Variants in FABP9 observed in about 807,000 individuals in gnomAD.
The protein encoded by FABP9 is fatty acid-binding protein 9.
A neutral mutation model predicts 14.7 loss-of-function variants in FABP9; 11 were observed. The observed-to-expected ratio is 0.75, with a 90% CI of 0.47 to 1.24. FABP9 has a LOEUF of 1.24. Ranked by LOEUF, FABP9 falls within the 50% of genes most tolerant of loss-of-function variation. The pLI is 0.00. For missense variants in FABP9, 171 were observed against 158.2 expected (o/e 1.08, Z -0.44); for synonymous variants, 54 against 50.6 (o/e 1.07, Z -0.29).
chr8:81,458,487 C>T (rs1304767700), intron 3 of FABP9, 54 bp from the exon 4 acceptor site: 3 of 1,514,078 alleles, frequency 2.0e-6, no homozygotes, highest in Non-Finnish European at 2.8e-6. Context: ...TAAACTTGCC[C>T]TGCCCCTTTC....
chr8:81,458,395 G>A lies in FABP9; in HGVS notation c.387C>T (p.Tyr129=), dbSNP rs146862580. The change falls in exon 4 of 4, where the codon TAC becomes TAT. Residue 129 remains tyrosine, a synonymous_variant. Transcript: ENST00000379071. ...TGTGGACCTTTCTTCACACCTTTTC[G>A]TAGATTCTGGTGCTGACAATATTAT... The part of the protein sequence containing the change: ...KMNNIVSTRI[Y]EKV 7.2e-5 allele frequency: 116 copies of A among 1,611,862 alleles called. No individual in the cohort carries two copies. The highest frequency in any genetic ancestry group is 7.1e-4 in the African/African-American group (53 of 74,866).
In FABP9 at chr8:81,458,405, G is replaced by C. The variant is rs1807627575; in HGVS notation, c.377C>G (p.Thr126Ser). 56 of 1,612,624 alleles carry C rather than the reference G, an allele frequency of 3.5e-5. No individual in the cohort carries two copies. The highest frequency in any genetic ancestry group is 4.5e-5 in the Non-Finnish European group (53 of 1,178,814). Residue 126 changes from threonine (T) to serine (S), a missense_variant, in exon 4 of 4, where the codon ACC becomes AGC. Coordinates refer to ENST00000379071, the MANE Select transcript of FABP9 (RefSeq NM_001080526.2). ...VECKMNNIVS[T>S]RIYEKV is the part of the protein sequence containing the mutation. ...TCTTCACACCTTTTCGTAGATTCTG[G>C]TGCTGACAATATTATTCATTTTACA... is the stretch of plus-strand genomic sequence containing the variant.
In FABP9 at chr8:81,458,690, A is replaced by G. The variant is rs762216823; in HGVS notation, c.260T>C (p.Leu87Ser). The change falls in exon 3 of 4, where the codon TTA (leucine) becomes TCA (serine). Residue 87 changes from leucine to serine, a missense_variant. Transcript: ENST00000379071. Reference sequence around the variant, plus strand: ...GACGTGAATCATTGAGCCATTCTCTAATGTTATGGTGCTCTATAAATGCAT... The same window carrying G: ...GACGTGAATCATTGAGCCATTCTCTGATGTTATGGTGCTCTATAAATGCAT... ...DNRKVKSTIT[L>S]ENGSMIHVQK... 3 of 1,612,908 alleles carry G rather than the reference A, an allele frequency of 1.9e-6. No homozygotes were observed. The highest frequency in any genetic ancestry group is 1.7e-5 in the Admixed American group (1 of 59,996).
At chr8:81,460,043 A>AGTGCCCG (rs1807667088) in intron 1 of FABP9, among the ~76,000 whole-genome samples, 1 of 151,848 alleles carries the variant, frequency 6.6e-6, no homozygotes, top group Admixed American at 6.6e-5. Context: ...TATGTTGCCC[A>AGTGCCCG]GGCTGGAGTG....
intron 1 of FABP9, 25 bp downstream of exon 1, chr8:81,461,426 C>G: frequency 6.5e-7 from 1 of 1,543,742 alleles, no homozygotes; most frequent in Non-Finnish European, 9.0e-7. Flanking sequence ...TTGCCAATTT[C>G]CAAATTTGTA....
Position 81,458,636 on chromosome 8 carries a change from ATTGTTGTCTCTTTGCC to A in FABP9, c.298_313del (p.Gly100SerfsTer11). On this transcript the variant is annotated frameshift_variant, in exon 3 of 4. Coordinates refer to ENST00000379071, the MANE Select transcript of FABP9 (RefSeq NM_001080526.2). LOFTEE classifies it high-confidence loss of function. Reference sequence around the variant, plus strand: ...TTTTTCATCCACAATTTTTCTTTTGATTGTTGTCTCTTTGCCAAGCCATTTTTGGACGTGAATCATT... The same window carrying A: ...TTTTTCATCCACAATTTTTCTTTTGAAAGCCATTTTTGGACGTGAATCATT... 6.2e-7 allele frequency: 1 copy of A among 1,613,654 alleles called. No individual in the cohort carries two copies. Among genetic ancestry groups the A allele is most frequent in the Non-Finnish European group, 8.5e-7 (1 of 1,179,772 alleles).
chr8:81,458,394 C>T lies in FABP9; in HGVS notation c.388G>A (p.Glu130Lys), dbSNP rs749835352. The T allele has an allele frequency of 8.1e-6, 13 of 1,611,878 alleles. No homozygotes were observed. Among genetic ancestry groups the T allele is most frequent in the Admixed American group, 5.0e-5 (3 of 59,984 alleles). Residue 130 changes from glutamate (E) to lysine (K), a missense_variant, in exon 4 of 4, where the codon GAA (glutamate) becomes AAA (lysine). Transcript: ENST00000379071. ...CTGTGGACCTTTCTTCACACCTTTT[C>T]GTAGATTCTGGTGCTGACAATATTA... ...MNNIVSTRIY[E>K]KV
intron 1 of FABP9, among the ~76,000 whole-genome samples, chr8:81,460,953 A>G (rs1363649088): frequency 6.6e-6 from 1 of 152,180 alleles, no homozygotes; most frequent in East Asian, 1.9e-4. Context: ...CAGATTTGTA[A>G]TTCTTCAAAA....
At position 81,458,473 on chromosome 8, in the gene FABP9, A is replaced by C. The variant is rs757839910; in HGVS notation, c.349-40T>G. The stretch of plus-strand genomic sequence containing the variant: ...GAATCTATTAGAGCTGGTAGATAAC[A>C]GGCTAAACTTGCCCTGCCCCTTTCT... On this transcript the variant is annotated intron_variant, in intron 3 of 3. Coordinates refer to ENST00000379071, the MANE Select transcript of FABP9 (RefSeq NM_001080526.2). The C allele has an allele frequency of 2.6e-6, 4 of 1,556,940 alleles. No individual in the cohort carries two copies. In the Admixed American group the frequency reaches 6.7e-5, roughly 26 times the overall value.
chr8:81,460,931 G>A (rs1807682440), intron 1 of FABP9, among the ~76,000 whole-genome samples: 1 of 152,106 alleles, frequency 6.6e-6, no homozygotes, highest in African/African-American at 2.4e-5. Context: ...GAGTAAAAAT[G>A]TTGTGTTTCT....
chr8:81,461,473 A>G lies in FABP9; in HGVS notation c.51T>C (p.Phe17=), dbSNP rs377311169. 69 of 1,613,510 alleles carry G rather than the reference A, an allele frequency of 4.3e-5. No homozygotes were observed. Among genetic ancestry groups the G allele is most frequent in the Non-Finnish European group, 5.2e-5 (61 of 1,179,584 alleles). Residue 17 remains phenylalanine (F), a synonymous_variant, in exon 1 of 4, where the codon TTT becomes TTC. Transcript: ENST00000379071. ...CACCCAGTTCTTTCATGTAATCCTC[A>G]AAGTTTTCACTGGAGACCAGCTTCC... ...GTWKLVSSEN[F]EDYMKELGVN...
At chr8:81,458,469 T>G (rs1807628990) in intron 3 of FABP9, 36 bp from the exon 4 acceptor site, 1 of 1,572,638 alleles carries the variant, frequency 6.4e-7, no homozygotes, top group East Asian at 2.2e-5. Context: ...AGCTGGTAGA[T>G]AACAGGCTAA....
intron 1 of FABP9, among the ~76,000 whole-genome samples, 175 bp from the exon 2 acceptor site, chr8:81,459,512 A>G (rs1228433544): frequency 6.6e-6 from 1 of 152,226 alleles, no homozygotes; most frequent in Non-Finnish European, 1.5e-5. Flanking sequence ...GTCATAAGGT[A>G]TATATGTGAC....
intron 1 of FABP9, among the ~76,000 whole-genome samples, chr8:81,460,383 T>C (rs1010264382): frequency 2.2e-4 from 33 of 152,216 alleles, no homozygotes; most frequent in Admixed American, 9.8e-4. Flanking sequence ...CTTGCTTGTA[T>C]TATGCCTAAA....
At chr8:81,461,407 C>T (rs1199748739) in intron 1 of FABP9, 44 bp downstream of exon 1, 4 of 1,336,850 alleles carry the variant, frequency 3.0e-6, no homozygotes, top group Non-Finnish European at 3.2e-6. Context: ...AATCACATCA[C>T]AAAATGCTTT....
At chr8:81,459,134 T>C in intron 2 of FABP9, 31 bp downstream of exon 2, 1 of 1,553,790 alleles carries the variant, frequency 6.4e-7, no homozygotes, top group Non-Finnish European at 8.6e-7. Flanking sequence ...TTTTTCCTGA[T>C]TGTTGAACAC....
intron 3 of FABP9, 74 bp from the exon 4 acceptor site, chr8:81,458,507 C>A: frequency 6.7e-7 from 1 of 1,488,186 alleles, no homozygotes; most frequent in Non-Finnish European, 9.4e-7. Context: ...CTCCTCAGAC[C>A]AAACCCTTAA....
intron 3 of FABP9, 58 bp downstream of exon 3, chr8:81,458,544 C>T: frequency 2.7e-6 from 4 of 1,501,480 alleles, no homozygotes; most frequent in Non-Finnish European, 2.8e-6. Context: ...AATTGAATAA[C>T]TTGAAAGGCA....
At position 81,458,604 on chromosome 8, in the gene FABP9, C is replaced by T. The variant is rs767349723; in HGVS notation, c.346G>A (p.Val116Met). 1.2e-6 allele frequency: 2 copies of T among 1,609,240 alleles called. No homozygotes were observed. Among genetic ancestry groups the T allele is most frequent in the Non-Finnish European group, 1.7e-6 (2 of 1,175,854 alleles). The change falls in exon 3 of 4, where the codon GTG (valine) becomes ATG (methionine). Residue 116 changes from valine (V) to methionine (M), a missense_variant and splice_region_variant. Physicochemically the swap from Val to Met is conservative, Grantham distance 21. Transcript: ENST00000379071. ...ACTTCAATTTAAAGAAAACTTACCA[C>T]TACCATTTTTTCATCCACAATTTTT... ...KRKIVDEKMVVECKMNNIVST... is the reference protein window; with the variant it reads ...KRKIVDEKMVMECKMNNIVST...
Sources: gnomAD v4.1 joint callset for allele counts (sites outside exome capture counted in the v4.1 genomes callset) on GRCh38, gnomAD v4.1.1 for gene constraint, MANE v1.5 for transcripts, NCBI Gene and HGNC (gene_info 2026-07-23, HGNC 2026-07-21) for gene names.